The following NOS1AP variants were observed in gnomAD, a reference collection of about 807,000 sequenced individuals.
NOS1AP encodes carboxyl-terminal PDZ ligand of neuronal nitric oxide synthase protein.
Under a neutral mutation model 56.2 loss-of-function variants are expected in NOS1AP, and 21 were observed. That is an observed-to-expected ratio of 0.37 (90% confidence interval 0.26 to 0.54). The LOEUF is 0.54. NOS1AP is among the 20% of genes least tolerant of loss of function. The pLI, the probability that NOS1AP is intolerant of heterozygous loss-of-function variation, is 0.84. For missense variants in NOS1AP, 522 were observed against 657.8 expected (o/e 0.79, Z 2.26); for synonymous variants, 270 against 274.6 (o/e 0.98, Z 0.17).
intron 3 of NOS1AP, among the ~76,000 whole-genome samples, chr1:162,296,286 A>G (rs1381559776): frequency 6.6e-6 from 1 of 152,188 alleles, no homozygotes; most frequent in Non-Finnish European, 1.5e-5. Context: ...ACTCTGTCTC[A>G]AAAACAAAAA....
intron 8 of NOS1AP, 34 bp downstream of exon 8, chr1:162,357,170 C>T: frequency 6.3e-7 from 1 of 1,595,392 alleles, no homozygotes; most frequent in South Asian, 1.1e-5. Flanking sequence ...TTCGCAGGCT[C>T]CACTCTCATG....
At chr1:162,185,177 T>G (rs2102149471) in intron 2 of NOS1AP, among the ~76,000 whole-genome samples, 1 of 152,354 alleles carries the variant, frequency 6.6e-6, no homozygotes, top group South Asian at 2.1e-4. Context: ...TTTTGAGGAC[T>G]CTTGTGATTA....
chr1:162,240,319 G>A (rs577497837), intron 2 of NOS1AP, among the ~76,000 whole-genome samples: 2 of 151,702 alleles, frequency 1.3e-5, no homozygotes, highest in South Asian at 4.2e-4. Flanking sequence ...CGTGGATTGG[G>A]ATTCCTGCCT....
chr1:162,310,298 G>A (rs1173078912), intron 4 of NOS1AP, among the ~76,000 whole-genome samples: 4 of 152,196 alleles, frequency 2.6e-5, no homozygotes, highest in Non-Finnish European at 2.9e-5. Flanking sequence ...AAGTGATGGG[G>A]TGACATCTGC....
chr1:162,284,877 G>A (rs1655044353), intron 2 of NOS1AP, among the ~76,000 whole-genome samples: 2 of 152,138 alleles, frequency 1.3e-5, no homozygotes, highest in South Asian at 4.1e-4. Context: ...GGTGGACAAA[G>A]CAAGAAAGAG....
At chr1:162,356,659 G>T (rs1046032479) in intron 7 of NOS1AP, among the ~76,000 whole-genome samples, 1 of 152,174 alleles carries the variant, frequency 6.6e-6, no homozygotes, top group East Asian at 1.9e-4. Context: ...CAGTGACAGG[G>T]TATCATTGGA....
chr1:162,340,977 A>C (rs1657090904), intron 5 of NOS1AP, among the ~76,000 whole-genome samples: 1 of 152,074 alleles, frequency 6.6e-6, no homozygotes, highest in African/African-American at 2.4e-5. Context: ...CTATATTCTT[A>C]AGATGCTCAG....
At chr1:162,108,144 A>G (rs937417295) in intron 1 of NOS1AP, among the ~76,000 whole-genome samples, 1 of 152,192 alleles carries the variant, frequency 6.6e-6, no homozygotes, top group Non-Finnish European at 1.5e-5. Context: ...ACCATTTCCT[A>G]CAAAAAATAA....
chr1:162,260,239 G>A (rs531320019), intron 2 of NOS1AP, among the ~76,000 whole-genome samples: 17 of 152,280 alleles, frequency 1.1e-4, no homozygotes, highest in African/African-American at 3.6e-4. Flanking sequence ...GAGTGAGTGT[G>A]TGTTTGTGAA....
intron 4 of NOS1AP, among the ~76,000 whole-genome samples, chr1:162,305,830 G>T (rs565262239): frequency 6.6e-6 from 1 of 152,074 alleles, no homozygotes; most frequent in South Asian, 2.1e-4. Context: ...CAAACTCCTC[G>T]GGATAATAAC....
At chr1:162,364,838 G>A (rs886763177) in intron 8 of NOS1AP, 3 of 990,994 alleles carry the variant, frequency 3.0e-6, no homozygotes, top group Non-Finnish European at 3.6e-6. Flanking sequence ...AAAAAGCCAT[G>A]TGTAGTGCTT....
intron 2 of NOS1AP, among the ~76,000 whole-genome samples, chr1:162,242,620 C>T (rs1653521747): frequency 6.6e-6 from 1 of 152,212 alleles, no homozygotes; most frequent in African/African-American, 2.4e-5. Flanking sequence ...CAAGCAAGAA[C>T]TGCCCAGCCA....
intron 1 of NOS1AP, among the ~76,000 whole-genome samples, chr1:162,082,601 T>G (rs140129646): frequency 2.2e-4 from 34 of 152,336 alleles, no homozygotes; most frequent in African/African-American, 8.2e-4. Context: ...CCAACATCTG[T>G]TATTTTTTGA....
Position 162,357,090 on chromosome 1 carries a change from A to G in NOS1AP, c.893A>G (p.Gln298Arg). The change falls in exon 8 of 10, where the codon CAG becomes CGG. Residue 298 changes from glutamine to arginine, a missense_variant. Transcript: ENST00000361897. Reference protein sequence around the residue: ...STHHQMQLLQQLLQQQQQQTQ... With the variant: ...STHHQMQLLQRLLQQQQQQTQ... ...CACCACCAGATGCAGCTCCTCCAGCAGCTCCTCCAGCAGCAGCAGCAGCAG... is the reference window on the plus strand; with the variant it reads ...CACCACCAGATGCAGCTCCTCCAGCGGCTCCTCCAGCAGCAGCAGCAGCAG... 6.2e-7 allele frequency: 1 copy of G among 1,611,574 alleles called. No homozygotes were observed. The highest frequency in any genetic ancestry group is 8.5e-7 in the Non-Finnish European group (1 of 1,179,896).
intron 2 of NOS1AP, among the ~76,000 whole-genome samples, chr1:162,155,271 TAC>T (rs1649901346): frequency 6.9e-6 from 1 of 144,310 alleles, no homozygotes; most frequent in African/African-American, 2.5e-5. Flanking sequence ...TATATACACA[TAC>T]ATATACACAT....
intron 5 of NOS1AP, among the ~76,000 whole-genome samples, chr1:162,339,716 T>C (rs1484135728): frequency 6.6e-6 from 1 of 152,208 alleles, no homozygotes. Flanking sequence ...GTGTGATTCT[T>C]GCATTTTGGG....
chr1:162,210,056 T>C (rs1290584853), intron 2 of NOS1AP, among the ~76,000 whole-genome samples: 2 of 152,176 alleles, frequency 1.3e-5, no homozygotes, highest in Non-Finnish European at 2.9e-5. Flanking sequence ...AATTTTTCCT[T>C]ATTATTTTGA....
chr1:162,093,700 A>G (rs905625047), intron 1 of NOS1AP, among the ~76,000 whole-genome samples: 3 of 147,614 alleles, frequency 2.0e-5, no homozygotes, highest in Non-Finnish European at 3.0e-5. Flanking sequence ...GACCACAGGC[A>G]TGCACCACCA....
At chr1:162,075,023 A>G (rs1691739054) in intron 1 of NOS1AP, among the ~76,000 whole-genome samples, 3 of 152,234 alleles carry the variant, frequency 2.0e-5, no homozygotes, top group Non-Finnish European at 4.4e-5. Context: ...AAGAGACATA[A>G]GCCCTACTTC....
Sources: gnomAD v4.1 joint callset for allele counts (sites outside exome capture counted in the v4.1 genomes callset) on GRCh38, gnomAD v4.1.1 for gene constraint, MANE v1.5 for transcripts, NCBI Gene and HGNC (gene_info 2026-07-23, HGNC 2026-07-21) for gene names.